The following CTNNA2 variants were observed in gnomAD, a reference collection of about 807,000 sequenced individuals.
CTNNA2 encodes catenin alpha 2, also known as catenin alpha-2.
CTNNA2 carries 42 observed loss-of-function variants against 101.0 expected under a neutral mutation model. The observed-to-expected ratio is 0.42, with a 90% CI of 0.32 to 0.54. CTNNA2 has a LOEUF of 0.54. Ranked by LOEUF, CTNNA2 falls within the 20% of genes least tolerant of loss-of-function variation. The pLI, the probability that CTNNA2 is intolerant of heterozygous loss-of-function variation, is 0.14. For missense variants in CTNNA2, 871 were observed against 1,223.1 expected (o/e 0.71, Z 4.29); for synonymous variants, 450 against 456.4 (o/e 0.99, Z 0.18).
chr2:80,346,133 T>A (rs1335516560), intron 7 of CTNNA2, among the ~76,000 whole-genome samples: 1 of 152,238 alleles, frequency 6.6e-6, no homozygotes, highest in African/African-American at 2.4e-5. Flanking sequence ...TTCGCTAGCA[T>A]AATTTTACAA....
chr2:79,940,096 C>T (rs1688053618), intron 7 of CTNNA2, among the ~76,000 whole-genome samples: 1 of 152,126 alleles, frequency 6.6e-6, no homozygotes, highest in Non-Finnish European at 1.5e-5. Context: ...CCAAAACAAA[C>T]AAAAACCCAC....
intron 7 of CTNNA2, among the ~76,000 whole-genome samples, chr2:80,122,346 C>A (rs1298055782): frequency 1.3e-5 from 2 of 151,302 alleles, no homozygotes; most frequent in African/African-American, 4.9e-5. Context: ...CTGTCTCTTT[C>A]TCTCTCTCCC....
intron 6 of CTNNA2, among the ~76,000 whole-genome samples, chr2:79,878,512 T>G (rs1221526025): frequency 1.3e-5 from 2 of 152,220 alleles, no homozygotes; most frequent in Non-Finnish European, 2.9e-5. Context: ...TCTTGACTTT[T>G]TAATAATTGC....
chr2:80,016,933 A>G (rs1467041944), intron 7 of CTNNA2, among the ~76,000 whole-genome samples: 7 of 152,260 alleles, frequency 4.6e-5, no homozygotes, highest in Non-Finnish European at 7.3e-5. Flanking sequence ...AGGTGAATAT[A>G]TGATTAAACC....
chr2:80,556,585 T>TA (rs143745231), intron 12 of CTNNA2, among the ~76,000 whole-genome samples: 1,985 of 151,032 alleles, frequency 0.013, 53 homozygotes, highest in African/African-American at 0.045. Context: ...TGCATTGGGG[T>TA]AAAAAAAAAT....
At chr2:79,201,900 CA>C (rs910707045) in intron 2 of CTNNA2, among the ~76,000 whole-genome samples, 2 of 152,106 alleles carry the variant, frequency 1.3e-5, no homozygotes, top group South Asian at 2.1e-4. Context: ...CCAAGGTGAT[CA>C]GTGGTACAGT....
chr2:79,559,682 G>C (rs776003233), intron 1 of CTNNA2, among the ~76,000 whole-genome samples: 2 of 151,844 alleles, frequency 1.3e-5, no homozygotes, highest in African/African-American at 4.8e-5. Context: ...CAGAGAGTAC[G>C]TGGAAGTAGG....
intron 3 of CTNNA2, among the ~76,000 whole-genome samples, chr2:79,760,033 A>G (rs1672675056): frequency 6.6e-6 from 1 of 152,174 alleles, no homozygotes; most frequent in African/African-American, 2.4e-5. Flanking sequence ...CAGTTTACGG[A>G]ACTAGACAGC....
At chr2:79,941,408 G>T (rs1012806216) in intron 7 of CTNNA2, among the ~76,000 whole-genome samples, 28 of 152,132 alleles carry the variant, frequency 1.8e-4, no homozygotes, top group African/African-American at 6.3e-4. Flanking sequence ...CCATTCTGGT[G>T]TTCCGGGCCG....
intron 6 of CTNNA2, among the ~76,000 whole-genome samples, chr2:79,875,136 T>C (rs140394782): frequency 7.5e-4 from 114 of 152,294 alleles, no homozygotes; most frequent in Non-Finnish European, 1.3e-3. Context: ...GCTGTTTCTG[T>C]AGGTGTGTCC....
chr2:79,471,772 A>G (rs1671001851), intron 4 of CTNNA2, among the ~76,000 whole-genome samples: 1 of 152,052 alleles, frequency 6.6e-6, no homozygotes, highest in African/African-American at 2.4e-5. Context: ...CAGGAGGCGG[A>G]GCTTGCAGTG....
At chr2:80,253,658 A>G (rs1333438310) in intron 7 of CTNNA2, among the ~76,000 whole-genome samples, 1 of 152,084 alleles carries the variant, frequency 6.6e-6, no homozygotes, top group East Asian at 1.9e-4. Context: ...CCTCAATCAA[A>G]ATCTCTTCTT....
At chr2:80,442,536 A>G (rs1682684993) in intron 9 of CTNNA2, among the ~76,000 whole-genome samples, 1 of 152,282 alleles carries the variant, frequency 6.6e-6, no homozygotes, top group South Asian at 2.1e-4. Context: ...TAATACACGC[A>G]CCACTTCTGT....
intron 15 of CTNNA2, among the ~76,000 whole-genome samples, chr2:80,592,609 A>T (rs913539027): frequency 6.6e-6 from 1 of 152,170 alleles, no homozygotes; most frequent in Non-Finnish European, 1.5e-5. Context: ...GCTTCAGCTG[A>T]TTAGTGAAAT....
intron 9 of CTNNA2, among the ~76,000 whole-genome samples, chr2:80,509,021 G>T (rs968903739): frequency 1.3e-5 from 2 of 151,954 alleles, no homozygotes; most frequent in Non-Finnish European, 1.5e-5. Flanking sequence ...AATTATCTGT[G>T]GATCAAACCA....
chr2:79,782,385 C>T (rs2861910), intron 3 of CTNNA2, among the ~76,000 whole-genome samples: 37,389 of 151,834 alleles, frequency 0.25, 5,002 homozygotes, highest in African/African-American at 0.34. Flanking sequence ...TACAGGTGCG[C>T]GCCACCATGC....
chr2:79,817,167 C>G lies in CTNNA2; in HGVS notation c.299-40846C>G, dbSNP rs28480337. 2.1e-3 allele frequency among the ~76,000 whole-genome samples: 320 copies of G among 152,120 alleles called. 2 individuals carry two copies. The highest frequency in any genetic ancestry group is 7.0e-3 in the African/African-American group (289 of 41,506). On this transcript the variant is annotated intron_variant, in intron 3 of 18. Transcript: ENST00000402739. ...CGTCATTTAGCATTAGGTATATCCCCTAATTCTATCCCTTCCCCCTACCAC... is the reference window on the plus strand; with the variant it reads ...CGTCATTTAGCATTAGGTATATCCCGTAATTCTATCCCTTCCCCCTACCAC...
intron 4 of CTNNA2, among the ~76,000 whole-genome samples, chr2:79,384,500 G>C (rs1678076254): frequency 6.7e-6 from 1 of 148,720 alleles, no homozygotes; most frequent in African/African-American, 2.5e-5. Context: ...CAAGCACTTT[G>C]AAATAAAGGT....
intron 3 of CTNNA2, among the ~76,000 whole-genome samples, chr2:79,785,324 C>T (rs2105222138): frequency 6.6e-6 from 1 of 152,286 alleles, no homozygotes; most frequent in African/African-American, 2.4e-5. Flanking sequence ...TTCTGGGCTC[C>T]AGCCACATTG....
Sources: gnomAD v4.1 joint callset for allele counts (sites outside exome capture counted in the v4.1 genomes callset) on GRCh38, gnomAD v4.1.1 for gene constraint, MANE v1.5 for transcripts, NCBI Gene and HGNC (gene_info 2026-07-23, HGNC 2026-07-21) for gene names.